Variants in RBM20 observed in about 807,000 individuals in gnomAD.
RBM20 encodes the protein RNA binding motif protein 20, also known as RNA-binding protein 20.
Under a neutral mutation model 110.1 loss-of-function variants are expected in RBM20, and 51 were observed. The ratio of observed to expected loss-of-function variants is 0.46; its 90% CI spans 0.37 to 0.59. The LOEUF is 0.59. Among genes scored for constraint, RBM20 ranks in the 20% least tolerant of loss-of-function variants. The probability of loss-of-function intolerance (pLI) is 0.00; values close to 1 mark genes in which losing one functional copy is unlikely to be tolerated. For synonymous variants in RBM20, 589 were observed against 618.2 expected (o/e 0.95, Z 0.70); for missense variants, 1,512 against 1,574.9 (o/e 0.96, Z 0.68).
Position 110,826,408 on chromosome 10 carries a change from A to C in RBM20, c.3451+2794A>C, listed in dbSNP as rs533485843. ...TCTCCTATGTAACCCCTCCCTCCCC[A>C]CAGTGCAACCCCCAGGTAAAGGATC... On this transcript the variant is annotated intron_variant, in intron 12 of 13. Coordinates refer to ENST00000369519, the MANE Select transcript of RBM20 (RefSeq NM_001134363.3). 5.6e-4 allele frequency among the ~76,000 whole-genome samples: 85 copies of C among 152,160 alleles called. 2 individuals are homozygous for C. In the South Asian group the frequency reaches 0.017, roughly 31 times the overall value.
intron 5 of RBM20, among the ~76,000 whole-genome samples, chr10:110,793,475 G>T (rs1315797488): frequency 6.6e-6 from 1 of 152,178 alleles, no homozygotes; most frequent in East Asian, 1.9e-4. Context: ...AATTGTAAAT[G>T]AATTAAATTT....
intron 1 of RBM20, among the ~76,000 whole-genome samples, chr10:110,744,621 GC>G (rs1299316879): frequency 1.3e-5 from 2 of 152,168 alleles, no homozygotes; most frequent in African/African-American, 4.8e-5. Context: ...GTTTGAACAA[GC>G]CCTCCAGGTG....
intron 9 of RBM20, among the ~76,000 whole-genome samples, chr10:110,819,167 A>G (rs905938639): frequency 5.9e-5 from 9 of 152,244 alleles, no homozygotes; most frequent in African/African-American, 2.2e-4. Flanking sequence ...GTAGTCATTG[A>G]TTTGGTGGCC....
At chr10:110,835,844 C>A (rs1171041941) in intron 13 of RBM20, 24 bp from the exon 14 acceptor site, 1 of 1,550,118 alleles carries the variant, frequency 6.5e-7, no homozygotes, top group African/African-American at 1.4e-5. Flanking sequence ...GCCCCTTCCT[C>A]CACTTCCCCT....
intron 1 of RBM20, among the ~76,000 whole-genome samples, chr10:110,763,751 C>CTTTTTTTTTTTTTT (rs56845100): frequency 3.1e-5 from 2 of 64,384 alleles, no homozygotes; most frequent in African/African-American, 1.3e-4. Context: ...GGCTTCTTGG[C>CTTTTTTTTTTTTTT]TTTTTTTTTT....
intron 1 of RBM20, among the ~76,000 whole-genome samples, chr10:110,669,509 A>G (rs1273082801): frequency 6.6e-6 from 1 of 152,238 alleles, no homozygotes; most frequent in African/African-American, 2.4e-5. Flanking sequence ...TTTCAACAAA[A>G]CTTTGGATTC....
chr10:110,781,408 T>G lies in RBM20; in HGVS notation c.799T>G (p.Tyr267Asp). Residue 267 changes from tyrosine to aspartate, a missense_variant, in exon 2 of 14, where the codon TAC becomes GAC. Tyr to Asp is a radical substitution (Grantham distance 160, BLOSUM62 -3). Around this residue, in one of 3 missense-constraint regions of RBM20, gnomAD observed 1,149 missense variants for 1,169.4 expected, o/e 0.98. Transcript: ENST00000369519. ...TSGSVTYEGH[Y>D]SHTGQDGQAA... Reference sequence around the variant, plus strand: ...GGGCAGTGTGACCTATGAAGGGCACTACAGCCACACAGGGCAGGATGGTCA... The same window carrying G: ...GGGCAGTGTGACCTATGAAGGGCACGACAGCCACACAGGGCAGGATGGTCA... 1 of 1,551,688 alleles carries G rather than the reference T, an allele frequency of 6.4e-7. No individual in the cohort carries two copies. The highest frequency in any genetic ancestry group is 8.7e-7 in the Non-Finnish European group (1 of 1,146,998).
intron 1 of RBM20, among the ~76,000 whole-genome samples, chr10:110,776,198 A>G (rs1268914811): frequency 6.6e-6 from 1 of 152,094 alleles, no homozygotes; most frequent in Admixed American, 6.5e-5. Flanking sequence ...GTTTGGTCAG[A>G]TGGTCTGTAC....
At position 110,831,062 on chromosome 10, in the gene RBM20, G is replaced by A. The variant is rs1564667864; in HGVS notation, c.3453G>A (p.Gly1151=). The A allele has an allele frequency of 3.9e-6, 6 of 1,550,294 alleles. No homozygotes were observed. The highest frequency in any genetic ancestry group is 5.2e-6 in the Non-Finnish European group (6 of 1,145,884). The change falls in exon 13 of 14, where the codon GGG becomes GGA. Residue 1151 remains glycine (G), a splice_region_variant and synonymous_variant. Transcript: ENST00000369519. ...TGTCTATCCCCCATCCTTTCCCAGG[G>A]GTGGAGTTCGTGGTTCCCAGGACTG... ...DVFSELSIPL[G]VEFVVPRTGF...
chr10:110,726,198 C>G (rs151115604), intron 1 of RBM20, among the ~76,000 whole-genome samples: 5 of 152,306 alleles, frequency 3.3e-5, no homozygotes, highest in Non-Finnish European at 7.3e-5. Flanking sequence ...GCTCTGACCA[C>G]GAAAGGGCTC....
At chr10:110,809,003 C>T (rs1844729367) in intron 7 of RBM20, among the ~76,000 whole-genome samples, 1 of 151,872 alleles carries the variant, frequency 6.6e-6, no homozygotes, top group Non-Finnish European at 1.5e-5. Context: ...TTGCTTGAGC[C>T]CGGGCGTTCA....
intron 5 of RBM20, among the ~76,000 whole-genome samples, chr10:110,791,138 C>G (rs11195323): frequency 0.17 from 25,868 of 152,202 alleles, 2,727 homozygotes; most frequent in East Asian, 0.53. Flanking sequence ...AGATCCATAG[C>G]TACGGAATTT....
chr10:110,682,349 T>G (rs1236773940), intron 1 of RBM20, among the ~76,000 whole-genome samples: 1 of 152,226 alleles, frequency 6.6e-6, no homozygotes, highest in Non-Finnish European at 1.5e-5. Context: ...TCACTTATTT[T>G]GTAGAACACA....
At chr10:110,805,044 T>G (rs1844677630) in intron 7 of RBM20, among the ~76,000 whole-genome samples, 1 of 152,186 alleles carries the variant, frequency 6.6e-6, no homozygotes, top group Admixed American at 6.5e-5. Context: ...GTGCTCTCAG[T>G]TGGGAAGATG....
chr10:110,645,043 A>G (rs1426340989), intron 1 of RBM20, among the ~76,000 whole-genome samples: 2 of 152,140 alleles, frequency 1.3e-5, no homozygotes, highest in East Asian at 3.9e-4. Context: ...GTAAAATGCC[A>G]AAAATTAAAC....
chr10:110,717,476 AC>A (rs1863037277), intron 1 of RBM20, among the ~76,000 whole-genome samples: 1 of 151,890 alleles, frequency 6.6e-6, no homozygotes, highest in Non-Finnish European at 1.5e-5. Context: ...GCCCCCAAGA[AC>A]CCCCTTCAGT....
At chr10:110,715,119 A>G (rs1318653065) in intron 1 of RBM20, among the ~76,000 whole-genome samples, 1 of 151,804 alleles carries the variant, frequency 6.6e-6, no homozygotes, top group Non-Finnish European at 1.5e-5. Context: ...ATGATGGCAG[A>G]CTCCTGTAAT....
chr10:110,711,883 T>A (rs1238904907), intron 1 of RBM20, among the ~76,000 whole-genome samples: 1 of 152,238 alleles, frequency 6.6e-6, no homozygotes, highest in Non-Finnish European at 1.5e-5. Flanking sequence ...GTATCCTTTT[T>A]TTTTCTCTGT....
chr10:110,744,482 T>C (rs1036426231), intron 1 of RBM20, among the ~76,000 whole-genome samples: 4 of 152,170 alleles, frequency 2.6e-5, no homozygotes, highest in African/African-American at 7.2e-5. Flanking sequence ...CCTTTGAACA[T>C]TGGTTCCCAA....
Sources: allele counts gnomAD v4.1 joint callset (sites outside exome capture counted in the v4.1 genomes callset), GRCh38; gene constraint gnomAD v4.1.1; regional missense constraint gnomAD v4.1.1; transcripts MANE v1.5; gene names NCBI Gene and HGNC (gene_info 2026-07-23, HGNC 2026-07-21).